Variants in MSR1 observed in about 807,000 individuals in gnomAD.
The protein encoded by MSR1 is macrophage scavenger receptor types I and II.
Under a neutral mutation model 47.2 loss-of-function variants are expected in MSR1, and 53 were observed. That is an observed-to-expected ratio of 1.12 (90% confidence interval 0.90 to 1.41). The LOEUF (loss-of-function observed/expected upper bound fraction) is 1.41. MSR1 is among the 40% of genes most tolerant of loss of function. The pLI is 0.00. For missense variants in MSR1, 786 were observed against 546.9 expected (o/e 1.44, Z -4.36); for synonymous variants, 239 against 185.6 (o/e 1.29, Z -2.34).
chr8:16,155,084 C>A lies in MSR1; in HGVS notation c.878G>T (p.Arg293Leu). 6.2e-7 allele frequency: 1 copy of A among 1,612,040 alleles called. No homozygotes were observed. The highest frequency in any genetic ancestry group is 1.1e-5 in the South Asian group (1 of 91,042). ...DRGPTGESGP[R>L]GFPGPIGPPG... Reference sequence around the variant, plus strand: ...CATACCTATTGGACCTGGAAATCCTCGTGGACCACTTTCTCCAGTGGGACC... The same window carrying A: ...CATACCTATTGGACCTGGAAATCCTAGTGGACCACTTTCTCCAGTGGGACC... The change falls in exon 6 of 10, where the codon CGA becomes CTA. Residue 293 changes from arginine to leucine, a missense_variant. Physicochemically the swap from Arg to Leu is moderately radical, Grantham distance 102 (BLOSUM62 -2). Coordinates refer to ENST00000262101, the MANE Select transcript of MSR1 (RefSeq NM_138715.3).
intron 1 of MSR1, among the ~76,000 whole-genome samples, chr8:16,187,720 A>C (rs1189966632): frequency 6.6e-6 from 1 of 152,160 alleles, no homozygotes; most frequent in East Asian, 1.9e-4. Flanking sequence ...TTATGCCTCA[A>C]GAAAACTTTG....
At chr8:16,186,154 C>T (rs1406454908) in intron 1 of MSR1, 3 of 1,533,396 alleles carry the variant, frequency 2.0e-6, no homozygotes, top group African/African-American at 1.4e-5. Flanking sequence ...GTTGTTCATG[C>T]TCACGGTTTT....
In MSR1 at chr8:16,170,408, T is replaced by G. The variant is rs544921876; in HGVS notation, c.218-1538A>C. On this transcript the variant is annotated intron_variant, in intron 3 of 9. Coordinates refer to ENST00000262101, the MANE Select transcript of MSR1 (RefSeq NM_138715.3). ...AATGAGGAAAATGTTAAACACAATCTTATCACTATTCAGTCATGGCTGAGG... is the reference window on the plus strand; with the variant it reads ...AATGAGGAAAATGTTAAACACAATCGTATCACTATTCAGTCATGGCTGAGG... Among the ~76,000 whole-genome samples, 13 of 152,216 alleles carry G rather than the reference T, an allele frequency of 8.5e-5. No homozygotes were observed. The South Asian group carries it at 1.7e-3, about 19-fold the overall frequency.
chr8:16,155,967 T>A (rs140162807), intron 5 of MSR1, among the ~76,000 whole-genome samples: 1 of 151,904 alleles, frequency 6.6e-6, no homozygotes, highest in Admixed American at 6.6e-5. Context: ...CCATTTGTAT[T>A]TTCTGTGTCC....
At chr8:16,152,634 A>T (rs1033145946) in intron 6 of MSR1, among the ~76,000 whole-genome samples, 1 of 152,054 alleles carries the variant, frequency 6.6e-6, no homozygotes, top group African/African-American at 2.4e-5. Flanking sequence ...GTTATTGATC[A>T]CATTGGGCAT....
Position 16,111,277 on chromosome 8 carries a change from C to T in MSR1, c.1223-1059G>A, listed in dbSNP as rs565506029. Reference sequence around the variant, plus strand: ...GTTAATACAGGAGGAAGCCGAAGTACGAGACATTTATAAATTATATCTATT... The same window carrying T: ...GTTAATACAGGAGGAAGCCGAAGTATGAGACATTTATAAATTATATCTATT... On this transcript the variant is annotated intron_variant, in intron 9 of 9. Transcript: ENST00000262101. Among the ~76,000 whole-genome samples, 35 of 152,124 alleles carry T rather than the reference C, an allele frequency of 2.3e-4. 1 individual carries two copies. In the East Asian group the frequency reaches 3.5e-3, roughly 15 times the overall value.
At chr8:16,183,523 A>C (rs1801898549) in intron 1 of MSR1, among the ~76,000 whole-genome samples, 1 of 146,544 alleles carries the variant, frequency 6.8e-6, no homozygotes, top group African/African-American at 2.5e-5. Context: ...AATTACATCT[A>C]TAACATGTAA....
intron 1 of MSR1, among the ~76,000 whole-genome samples, chr8:16,189,379 A>ATTTT (rs1802104645): frequency 1.0e-5 from 1 of 96,662 alleles, no homozygotes; most frequent in South Asian, 3.0e-4. Flanking sequence ...TATTTTATAT[A>ATTTT]TATAAAATCT....
At chr8:16,144,227 T>C (rs1800637874) in intron 7 of MSR1, among the ~76,000 whole-genome samples, 1 of 152,102 alleles carries the variant, frequency 6.6e-6, no homozygotes. Context: ...GAAACATTGC[T>C]AGATCTTTTT....
rs879930873 is a variant in MSR1, at chr8:16,129,535, T to C, written c.1034-8929A>G. ...TCAAGGCAGGCAGATCATTTGAGTT[T>C]AGCAGTTAGAGACCAGCCTGGGCAA... On this transcript the variant is annotated intron_variant, in intron 8 of 9. Transcript: ENST00000262101. Among the ~76,000 whole-genome samples, 11 of 152,132 alleles carry C rather than the reference T, an allele frequency of 7.2e-5. No individual in the cohort carries two copies. In the South Asian group the frequency reaches 8.3e-4, roughly 12 times the overall value.
intron 8 of MSR1, among the ~76,000 whole-genome samples, chr8:16,137,960 C>A (rs990461142): frequency 6.6e-6 from 1 of 150,950 alleles, no homozygotes; most frequent in Non-Finnish European, 1.5e-5. Flanking sequence ...CCACTGTAGT[C>A]CAACCTGTGC....
At chr8:16,159,401 G>A (rs745470703) in intron 5 of MSR1, among the ~76,000 whole-genome samples, 5 of 151,686 alleles carry the variant, frequency 3.3e-5, no homozygotes, top group Non-Finnish European at 7.4e-5. Context: ...TTTCCACAAT[G>A]AAATTTTATG....
intron 3 of MSR1, among the ~76,000 whole-genome samples, chr8:16,170,394 T>C (rs527869887): frequency 6.6e-6 from 1 of 151,760 alleles, no homozygotes; most frequent in East Asian, 1.9e-4. Context: ...ATGAGGAAAA[T>C]GTTAAACACA....
chr8:16,179,968 G>A (rs1020663546), intron 1 of MSR1, among the ~76,000 whole-genome samples: 1 of 151,360 alleles, frequency 6.6e-6, no homozygotes, highest in African/African-American at 2.4e-5. Context: ...CCAGGCTGGA[G>A]TGCAGTGGTG....
intron 9 of MSR1, among the ~76,000 whole-genome samples, chr8:16,113,622 G>A (rs774871550): frequency 7.2e-5 from 11 of 152,038 alleles, no homozygotes; most frequent in Non-Finnish European, 1.6e-4. Flanking sequence ...GGTCAATATA[G>A]CCTATAGTTT....
chr8:16,165,765 G>A (rs992278842), intron 4 of MSR1, among the ~76,000 whole-genome samples: 21 of 152,142 alleles, frequency 1.4e-4, no homozygotes, highest in African/African-American at 4.8e-4. Flanking sequence ...GAAAATAAAT[G>A]AATGTGCGTC....
chr8:16,115,531 A>T (rs1267462454), intron 9 of MSR1, among the ~76,000 whole-genome samples: 1 of 152,220 alleles, frequency 6.6e-6, no homozygotes, highest in East Asian at 1.9e-4. Flanking sequence ...CCAGTGAAGT[A>T]GATCATAAAA....
chr8:16,129,143 A>C (rs530307351), intron 8 of MSR1, among the ~76,000 whole-genome samples: 2 of 152,268 alleles, frequency 1.3e-5, no homozygotes, highest in East Asian at 3.9e-4. Context: ...GCAGTTAAAG[A>C]GGTTTACTTG....
chr8:16,180,907 A>G (rs383302), intron 1 of MSR1, among the ~76,000 whole-genome samples: 33,417 of 152,018 alleles, frequency 0.22, 4,810 homozygotes, highest in East Asian at 0.54. Flanking sequence ...CACTGTGGAG[A>G]AAGGGAATGA....
Sources: gnomAD v4.1 joint callset for allele counts (sites outside exome capture counted in the v4.1 genomes callset) on GRCh38, gnomAD v4.1.1 for gene constraint, MANE v1.5 for transcripts, NCBI Gene and HGNC (gene_info 2026-07-23, HGNC 2026-07-21) for gene names.